Variants in SGCD observed in about 807,000 individuals in gnomAD.
SGCD encodes the protein sarcoglycan delta.
A neutral mutation model predicts 36.6 loss-of-function variants in SGCD; 18 were observed. The ratio of observed to expected loss-of-function variants is 0.49; its 90% CI spans 0.34 to 0.73. The LOEUF (loss-of-function observed/expected upper bound fraction) is 0.73. SGCD is among the 30% of genes least tolerant of loss of function. The pLI is 0.01. For missense variants in SGCD, 387 were observed against 346.7 expected, an observed-to-expected ratio of 1.12 and a Z score of -0.92; for synonymous variants, 133 against 130.6, an observed-to-expected ratio of 1.02 and a Z score of -0.12.
intron 1 of SGCD, among the ~76,000 whole-genome samples, chr5:155,936,133 C>T (rs1389452686): frequency 6.6e-6 from 1 of 152,144 alleles, no homozygotes; most frequent in Non-Finnish European, 1.5e-5. Context: ...CTGGGCTCCC[C>T]GAAGGACTGC....
intron 3 of SGCD, among the ~76,000 whole-genome samples, chr5:156,289,596 A>G (rs1000049079): frequency 6.6e-6 from 1 of 150,564 alleles, no homozygotes; most frequent in Admixed American, 6.6e-5. Flanking sequence ...TTATTTTTTT[A>G]TTTTTATTTT....
At chr5:156,250,590 A>G (rs1271049442) in intron 3 of SGCD, among the ~76,000 whole-genome samples, 1 of 152,150 alleles carries the variant, frequency 6.6e-6, no homozygotes, top group African/African-American at 2.4e-5. Context: ...ATAAAGAAAA[A>G]AAAGGGAAAG....
chr5:155,943,868 C>A (rs1227365944), intron 1 of SGCD, among the ~76,000 whole-genome samples: 1 of 152,202 alleles, frequency 6.6e-6, no homozygotes, highest in Non-Finnish European at 1.5e-5. Flanking sequence ...GCAAAACTGG[C>A]TCCTTCAAAG....
chr5:156,534,634 C>T (rs1010370048), intron 4 of SGCD, among the ~76,000 whole-genome samples: 1 of 152,136 alleles, frequency 6.6e-6, no homozygotes, highest in African/African-American at 2.4e-5. Flanking sequence ...AGCATAGTAG[C>T]AAAGTACATG....
chr5:156,047,834 T>A (rs185650052), intron 1 of SGCD, among the ~76,000 whole-genome samples: 1,648 of 152,222 alleles, frequency 0.011, 45 homozygotes, highest in African/African-American at 0.038. Context: ...TCTTTTTTTT[T>A]AATTATACTT....
rs149774301 is a variant in SGCD at position 156,318,494 on chromosome 5, A to C, written c.-43-11040A>C. Among the ~76,000 whole-genome samples, 8 of 152,258 alleles carry C rather than the reference A, an allele frequency of 5.3e-5. No individual in the cohort carries two copies. The East Asian group carries it at 7.7e-4, about 15-fold the overall frequency. ...ACAGACCAACCACTCACTAAATATG[A>C]GGAGAGTTCATTGGCTAAGACTCCT... is the stretch of plus-strand genomic sequence containing the variant. On this transcript the variant is annotated intron_variant, in intron 3 of 9. Coordinates refer to the SGCD transcript ENST00000517913.
At chr5:156,463,847 G>T (rs1222402568) in intron 3 of SGCD, among the ~76,000 whole-genome samples, 1 of 151,990 alleles carries the variant, frequency 6.6e-6, no homozygotes, top group Non-Finnish European at 1.5e-5. Flanking sequence ...TCAAAAAAAT[G>T]AGCCAGGCAT....
intron 4 of SGCD, among the ~76,000 whole-genome samples, chr5:156,524,022 C>G (rs1757523915): frequency 7.2e-6 from 1 of 138,360 alleles, no homozygotes; most frequent in Non-Finnish European, 1.5e-5. Flanking sequence ...AAAAAAAATG[C>G]TTTTGTTACA....
chr5:156,121,445 A>G (rs1282192883), intron 2 of SGCD, among the ~76,000 whole-genome samples: 1 of 152,128 alleles, frequency 6.6e-6, no homozygotes, highest in African/African-American at 2.4e-5. Flanking sequence ...CCGGAACCTG[A>G]ACCGCAGTAG....
chr5:156,720,315 C>T (rs1755434665), intron 7 of SGCD, among the ~76,000 whole-genome samples: 1 of 152,160 alleles, frequency 6.6e-6, no homozygotes, highest in Admixed American at 6.5e-5. Flanking sequence ...GGAAGGTGAG[C>T]ATCTGGGGAG....
chr5:156,547,775 T>G (rs1372348786), intron 4 of SGCD, among the ~76,000 whole-genome samples: 1 of 152,222 alleles, frequency 6.6e-6, no homozygotes, highest in Non-Finnish European at 1.5e-5. Flanking sequence ...GGCTGAAAGT[T>G]GGTCTCGAGG....
At position 156,291,813 on chromosome 5, in the gene SGCD, T is replaced by A. The variant is rs1309641372; in HGVS notation, c.-43-37721T>A. On this transcript the variant is annotated intron_variant, in intron 3 of 9. Transcript: ENST00000517913. ...CATGATGCTTTGAAATATGTATACA[T>A]TGTGGAGCTAAATAACATATGCATT... Among the ~76,000 whole-genome samples, 3 of 152,112 alleles carry A rather than the reference T, an allele frequency of 2.0e-5. No homozygotes were observed. In the East Asian group the frequency reaches 5.8e-4, roughly 29 times the overall value.
chr5:155,853,812 G>A, the SGCD span, among the ~76,000 whole-genome samples: 2 of 152,066 alleles, frequency 1.3e-5, no homozygotes, highest in Non-Finnish European at 2.9e-5. Flanking sequence ...AGTTTCCCCA[G>A]GTTCTTCTCT....
intron 3 of SGCD, among the ~76,000 whole-genome samples, chr5:156,498,773 T>C (rs1756313587): frequency 6.6e-6 from 1 of 152,240 alleles, no homozygotes; most frequent in Admixed American, 6.5e-5. Flanking sequence ...TTATTTATAT[T>C]GGGCAGAGAG....
At chr5:156,653,768 T>C (rs1056811784) in intron 7 of SGCD, among the ~76,000 whole-genome samples, 2 of 152,104 alleles carry the variant, frequency 1.3e-5, no homozygotes, top group Admixed American at 6.6e-5. Context: ...AAATTGTTAA[T>C]GAACTTGGTG....
intron 3 of SGCD, among the ~76,000 whole-genome samples, chr5:156,345,788 A>T (rs1049089190): frequency 6.6e-6 from 1 of 152,170 alleles, no homozygotes. Flanking sequence ...TAAAATTTTC[A>T]TGTGACAATC....
At chr5:156,136,813 A>C (rs994236926) in intron 3 of SGCD, among the ~76,000 whole-genome samples, 4 of 152,248 alleles carry the variant, frequency 2.6e-5, no homozygotes, top group Non-Finnish European at 5.9e-5. Flanking sequence ...TCTTCTGTAC[A>C]GTTAATGGTT....
chr5:156,352,240 A>G (rs1046555190), intron 3 of SGCD, among the ~76,000 whole-genome samples: 1 of 152,202 alleles, frequency 6.6e-6, no homozygotes, highest in African/African-American at 2.4e-5. Flanking sequence ...GGATGGCATG[A>G]TATCTTATCC....
chr5:156,635,575 C>T (rs1762795577), intron 6 of SGCD, among the ~76,000 whole-genome samples: 1 of 152,088 alleles, frequency 6.6e-6, no homozygotes, highest in Non-Finnish European at 1.5e-5. Context: ...GCTGTAAAGA[C>T]ACATGCACAC....
Sources: allele counts gnomAD v4.1 joint callset (sites outside exome capture counted in the v4.1 genomes callset), GRCh38; gene constraint gnomAD v4.1.1; transcripts MANE v1.5; gene names NCBI Gene and HGNC (gene_info 2026-07-23, HGNC 2026-07-21).